BBS9: variants seen among roughly 807,000 people sequenced by gnomAD.
BBS9 encodes protein PTHB1.
In BBS9, 89 loss-of-function variants were observed where a neutral mutation model predicts 117.7. That is an observed-to-expected ratio of 0.76 (90% confidence interval 0.64 to 0.90). The LOEUF (loss-of-function observed/expected upper bound fraction) is 0.90. Ranked by LOEUF, BBS9 falls within the 40% of genes least tolerant of loss-of-function variation. The pLI, the probability that BBS9 is intolerant of heterozygous loss-of-function variation, is 0.00. For missense variants in BBS9, 982 were observed against 1,042.2 expected, an observed-to-expected ratio of 0.94 and a Z score of 0.80; for synonymous variants, 379 against 370.9, an observed-to-expected ratio of 1.02 and a Z score of -0.25.
intron 12 of BBS9, among the ~76,000 whole-genome samples, chr7:33,348,691 G>T (rs1584439268): frequency 6.6e-6 from 1 of 152,090 alleles, no homozygotes; most frequent in Non-Finnish European, 1.5e-5. Context: ...ATATATGAGG[G>T]TTCTAGTTTC....
chr7:33,251,976 A>G (rs890883271), intron 5 of BBS9, among the ~76,000 whole-genome samples: 9 of 152,192 alleles, frequency 5.9e-5, no homozygotes, highest in Non-Finnish European at 1.0e-4. Context: ...CTGGTAATTT[A>G]TAATTGGCTC....
intron 16 of BBS9, among the ~76,000 whole-genome samples, chr7:33,364,468 G>C (rs1821262851): frequency 6.6e-6 from 1 of 151,856 alleles, no homozygotes; most frequent in Non-Finnish European, 1.5e-5. Context: ...TGTTTTGCTT[G>C]ATTCTGTTCC....
intron 21 of BBS9, among the ~76,000 whole-genome samples, chr7:33,542,148 A>T (rs1852419752): frequency 6.6e-6 from 1 of 151,634 alleles, no homozygotes. Context: ...GCCGTGGTGC[A>T]GTCTCAGCTC....
chr7:33,321,557 G>C (rs1811716935), intron 9 of BBS9, among the ~76,000 whole-genome samples: 1 of 151,878 alleles, frequency 6.6e-6, no homozygotes, highest in Non-Finnish European at 1.5e-5. Context: ...AAATGCTACT[G>C]ATTTTTGTAT....
At chr7:33,257,186 T>A in intron 5 of BBS9, 50 bp from the exon 6 acceptor site, 1 of 1,260,498 alleles carries the variant, frequency 7.9e-7, no homozygotes, top group Non-Finnish European at 1.1e-6. Context: ...ATAAAAATAT[T>A]ATATTTATAA....
At chr7:33,555,503 T>A (rs1329679619) in intron 21 of BBS9, among the ~76,000 whole-genome samples, 1 of 152,162 alleles carries the variant, frequency 6.6e-6, no homozygotes, top group South Asian at 2.1e-4. Context: ...CAAGAGATGA[T>A]GGAGGCTCAG....
chr7:33,380,651 G>C (rs1824830449), intron 17 of BBS9: 1 of 152,202 alleles, frequency 6.6e-6, no homozygotes. Flanking sequence ...TATGTGTCTT[G>C]AGCAATTTGG....
At chr7:33,433,229 A>G (rs1231290513) in intron 19 of BBS9, among the ~76,000 whole-genome samples, 2 of 152,186 alleles carry the variant, frequency 1.3e-5, no homozygotes, top group African/African-American at 2.4e-5. Context: ...TGGTATCACA[A>G]GTCTTTCGTT....
rs1805591792 is a variant in BBS9 at position 33,297,846 on chromosome 7, C to T, written c.1016+23890C>T. Among the ~76,000 whole-genome samples, 5 of 152,258 alleles carry T rather than the reference C, an allele frequency of 3.3e-5. No individual in the cohort carries two copies. The South Asian group carries it at 6.2e-4, about 19-fold the overall frequency. ...TAACTTTGTTAAACACAAATACCAT[C>T]ATCTTATTGAAAACTTCTTGGACAA... is the stretch of plus-strand genomic sequence containing the variant. On this transcript the variant is annotated intron_variant, in intron 9 of 22. Coordinates refer to ENST00000242067, the MANE Select transcript of BBS9 (RefSeq NM_198428.3).
At chr7:33,498,006 C>A (rs1012486726) in intron 19 of BBS9, among the ~76,000 whole-genome samples, 3 of 152,062 alleles carry the variant, frequency 2.0e-5, no homozygotes, top group Non-Finnish European at 2.9e-5. Flanking sequence ...TAACCAGGAG[C>A]CCAACCAATT....
rs191448517 is a variant in BBS9 at position 33,516,351 on chromosome 7, C to T, written c.2298+10706C>T. The stretch of plus-strand genomic sequence containing the variant: ...TAAAAATACAAAAATTGGCCTGGTG[C>T]GGTGGCAGGCACCTGTAATCCCAGC... On this transcript the variant is annotated intron_variant, in intron 20 of 22. Transcript: ENST00000242067. 1.3e-3 allele frequency among the ~76,000 whole-genome samples: 197 copies of T among 151,584 alleles called. 2 individuals are homozygous for T. Among genetic ancestry groups the T allele is most frequent in the African/African-American group, 4.3e-3 (178 of 41,368 alleles).
At chr7:33,250,040 A>C (rs1795989504) in intron 5 of BBS9, among the ~76,000 whole-genome samples, 1 of 152,146 alleles carries the variant, frequency 6.6e-6, no homozygotes, top group African/African-American at 2.4e-5. Context: ...GTTTTACACC[A>C]CTTAGATTTT....
At chr7:33,244,175 A>G (rs1389461992) in intron 5 of BBS9, among the ~76,000 whole-genome samples, 1 of 152,224 alleles carries the variant, frequency 6.6e-6, no homozygotes, top group Non-Finnish European at 1.5e-5. Flanking sequence ...GGTTGCAGTG[A>G]GCCGAGATTG....
At chr7:33,283,474 G>T in intron 9 of BBS9, among the ~76,000 whole-genome samples, 1 of 150,512 alleles carries the variant, frequency 6.6e-6, no homozygotes, top group Non-Finnish European at 1.5e-5. Flanking sequence ...TTCTTGAGTT[G>T]GTTTTTAGTG....
chr7:33,624,021 A>G (rs1868817), intron 21 of BBS9, among the ~76,000 whole-genome samples: 151,254 of 151,914 alleles, frequency 1, 75,303 homozygotes, highest in Middle Eastern at 1. Flanking sequence ...TACTCTTTTG[A>G]CTGTTTAATT....
At chr7:33,476,223 CT>C (rs540070441) in intron 19 of BBS9, among the ~76,000 whole-genome samples, 15 of 151,194 alleles carry the variant, frequency 9.9e-5, no homozygotes, top group South Asian at 2.1e-4. Context: ...AATTTATGGA[CT>C]TTTTTTTTGG....
chr7:33,237,006 T>G (rs1355802650), intron 5 of BBS9, among the ~76,000 whole-genome samples: 2 of 152,160 alleles, frequency 1.3e-5, no homozygotes, highest in African/African-American at 2.4e-5. Context: ...TCTAATGCTT[T>G]CAATAGTTTT....
At chr7:33,509,666 TTTTG>T (rs1846639123) in intron 20 of BBS9, among the ~76,000 whole-genome samples, 1 of 152,178 alleles carries the variant, frequency 6.6e-6, no homozygotes, top group Non-Finnish European at 1.5e-5. Flanking sequence ...TCAGAAGATG[TTTTG>T]TTTATGTTTC....
intron 4 of BBS9, among the ~76,000 whole-genome samples, chr7:33,165,842 C>T (rs973763218): frequency 3.9e-5 from 6 of 152,274 alleles, no homozygotes; most frequent in East Asian, 1.9e-4. Context: ...TCTGTCAGCT[C>T]GTCAAACTCA....
Sources: allele counts gnomAD v4.1 joint callset (sites outside exome capture counted in the v4.1 genomes callset), GRCh38; gene constraint gnomAD v4.1.1; transcripts MANE v1.5; gene names NCBI Gene and HGNC (gene_info 2026-07-23, HGNC 2026-07-21).